MS4A14: variants seen among roughly 807,000 people sequenced by gnomAD.
MS4A14 encodes membrane-spanning 4-domains subfamily A member 14.
In MS4A14, 18 loss-of-function variants were observed where a neutral mutation model predicts 16.7. That is an observed-to-expected ratio of 1.08 (90% CI 0.75 to 1.60). MS4A14 has a LOEUF of 1.60. Among genes scored for constraint, MS4A14 ranks in the 40% most tolerant of loss-of-function variants. MS4A14 has a pLI of 0.00. For missense variants in MS4A14, 812 were observed against 775.3 expected (o/e 1.05, Z -0.56); for synonymous variants, 305 against 289.4 (o/e 1.05, Z -0.55).
chr11:60,416,959 G>T lies in MS4A14; in HGVS notation c.1991G>T (p.Gly664Val). The T allele has an allele frequency of 5.0e-6, 8 of 1,613,344 alleles. No homozygotes were observed. The highest frequency in any genetic ancestry group is 3.4e-6 in the Non-Finnish European group (4 of 1,179,626). The change falls in exon 5 of 5, where the codon GGA (glycine) becomes GTA (valine). Residue 664 changes from glycine to valine, a missense_variant. Gly to Val is a moderately radical substitution (Grantham distance 109). Transcript: ENST00000300187. The stretch of plus-strand genomic sequence containing the variant: ...TTCCACAAAGGCAATCTCCAGGCTG[G>T]ACAACCCAGGACTGTCAATCTTTTG... ...WQFHKGNLQA[G>V]QPRTVNLLAK...
chr11:60,409,417 T>C (rs1402073946), intron 4 of MS4A14, among the ~76,000 whole-genome samples: 2 of 152,042 alleles, frequency 1.3e-5, no homozygotes, highest in Non-Finnish European at 2.9e-5. Context: ...GATCATGCAG[T>C]GTTTGTCTTT....
At chr11:60,410,679 CAT>C (rs2085855611) in intron 4 of MS4A14, among the ~76,000 whole-genome samples, 3 of 152,000 alleles carry the variant, frequency 2.0e-5, no homozygotes, top group Admixed American at 1.3e-4. Context: ...ATTCCAGCAT[CAT>C]ATGTTGAAAA....
At chr11:60,398,207 T>G (rs1020686243) in intron 2 of MS4A14, 2 of 373,908 alleles carry the variant, frequency 5.3e-6, no homozygotes, top group Non-Finnish European at 4.9e-6. Context: ...CTTGTGTGTA[T>G]AGTAAGACAT....
rs144635507 is a variant in MS4A14, at chr11:60,416,610, G to A, written c.1642G>A (p.Val548Ile). 62 of 1,613,718 alleles carry A rather than the reference G, an allele frequency of 3.8e-5. No homozygotes were observed. The highest frequency in any genetic ancestry group is 3.3e-4 in the Middle Eastern group (2 of 6,084). ...CTGGCTATCCCCAAAGAGGCACTCC[G>A]TAGATAAGCAAGCTCAACTTAATCA... ...KDWLSPKRHS[V>I]DKQAQLNQTK... The change falls in exon 5 of 5, where the codon GTA becomes ATA. Residue 548 changes from valine (V) to isoleucine (I), a missense_variant. Val to Ile is a conservative substitution (Grantham distance 29). Coordinates refer to ENST00000300187, the MANE Select transcript of MS4A14 (RefSeq NM_032597.5).
At chr11:60,398,221 C>G (rs979220048) in intron 2 of MS4A14, 1 of 330,898 alleles carries the variant, frequency 3.0e-6, no homozygotes, top group African/African-American at 2.1e-5. Context: ...AAGACATTTG[C>G]TCCTCAATAC....
chr11:60,415,308 T>C, intron 4 of MS4A14, 129 bp from the exon 5 acceptor site: 2 of 963,562 alleles, frequency 2.1e-6, no homozygotes, highest in Non-Finnish European at 3.0e-6. Flanking sequence ...GCATTCGTTT[T>C]CTGCCTTCTC....
chr11:60,399,995 C>T (rs2085686832), intron 2 of MS4A14, among the ~76,000 whole-genome samples: 1 of 152,126 alleles, frequency 6.6e-6, no homozygotes, highest in Non-Finnish European at 1.5e-5. Flanking sequence ...CTGATAACTA[C>T]ACTAGATATC....
intron 4 of MS4A14, among the ~76,000 whole-genome samples, chr11:60,411,080 A>C (rs1287907831): frequency 6.6e-6 from 1 of 152,174 alleles, no homozygotes; most frequent in African/African-American, 2.4e-5. Context: ...TCCTGACCTC[A>C]GGTGATCCAC....
At position 60,416,988 on chromosome 11, in the gene MS4A14, A is replaced by G; in HGVS notation, c.2020A>G (p.Lys674Glu). Residue 674 changes from lysine (K) to glutamate (E), a missense_variant, in exon 5 of 5, where the codon AAG (lysine) becomes GAG (glutamate). By Grantham distance (56) the Lys-to-Glu change is moderately conservative. Coordinates refer to ENST00000300187, the MANE Select transcript of MS4A14 (RefSeq NM_032597.5). ...ACCCAGGACTGTCAATCTTTTGGCC[A>G]AGAATCCCCTGACTGGATAACTCAG... ...GQPRTVNLLA[K>E]NPLTG The G allele has an allele frequency of 6.2e-7, 1 of 1,612,446 alleles. No individual in the cohort carries two copies. The highest frequency in any genetic ancestry group is 8.5e-7 in the Non-Finnish European group (1 of 1,179,084).
chr11:60,404,258 A>G (rs1257466994), intron 4 of MS4A14, among the ~76,000 whole-genome samples: 1 of 152,236 alleles, frequency 6.6e-6, no homozygotes, highest in Non-Finnish European at 1.5e-5. Context: ...AACCATGAAC[A>G]ATCTCTTCCT....
intron 2 of MS4A14, among the ~76,000 whole-genome samples, chr11:60,399,103 C>A (rs576563243): frequency 1.7e-4 from 26 of 152,334 alleles, no homozygotes; most frequent in African/African-American, 4.8e-4. Flanking sequence ...CAGCTCCTCT[C>A]TGAGAGAAGT....
intron 4 of MS4A14, 40 bp from the exon 5 acceptor site, chr11:60,415,397 G>T: frequency 6.5e-7 from 1 of 1,530,826 alleles, no homozygotes; most frequent in South Asian, 1.3e-5. Flanking sequence ...AATCAGACAT[G>T]ATTCTGTCAT....
At position 60,397,963 on chromosome 11, in the gene MS4A14, T is replaced by C. The variant is rs148297999; in HGVS notation, c.250T>C (p.Phe84Leu). Residue 84 changes from phenylalanine to leucine, a missense_variant, in exon 2 of 5, where the codon TTC (phenylalanine) becomes CTC (leucine). Transcript: ENST00000300187. ...LPLVVLTGYP[F>L]WGALIFILTG... ...CCTTGTTGTCCTCACAGGATATCCATTCTGGGGAGCACTTATTGTGAGTAC... is the reference window on the plus strand; with the variant it reads ...CCTTGTTGTCCTCACAGGATATCCACTCTGGGGAGCACTTATTGTGAGTAC... 2 of 1,613,330 alleles carry C rather than the reference T, an allele frequency of 1.2e-6. No homozygotes were observed. The highest frequency in any genetic ancestry group is 1.7e-6 in the Non-Finnish European group (2 of 1,179,534).
chr11:60,409,245 T>C (rs1353174088), intron 4 of MS4A14, among the ~76,000 whole-genome samples: 1 of 152,206 alleles, frequency 6.6e-6, no homozygotes, highest in Non-Finnish European at 1.5e-5. Flanking sequence ...ATTCTTACTA[T>C]CTATAGTAAG....
intron 2 of MS4A14, 83 bp downstream of exon 2, chr11:60,398,063 C>A: frequency 1.7e-5 from 25 of 1,459,276 alleles, no homozygotes; most frequent in Admixed American, 2.0e-5. Flanking sequence ...TAATGAATTC[C>A]ATAAATATGG....
intron 4 of MS4A14, among the ~76,000 whole-genome samples, chr11:60,403,809 T>C (rs1255359157): frequency 6.6e-6 from 1 of 152,202 alleles, no homozygotes; most frequent in Non-Finnish European, 1.5e-5. Context: ...GTTCTATAAT[T>C]TGAAGAATAT....
intron 2 of MS4A14, 176 bp downstream of exon 2, chr11:60,398,156 T>C (rs2085658390): frequency 1.8e-6 from 1 of 546,808 alleles, no homozygotes; most frequent in Non-Finnish European, 3.1e-6. Flanking sequence ...ATCATCATTG[T>C]AATAACTACT....
At chr11:60,408,783 T>C (rs1028988527) in intron 4 of MS4A14, among the ~76,000 whole-genome samples, 4 of 152,132 alleles carry the variant, frequency 2.6e-5, no homozygotes, top group African/African-American at 9.7e-5. Context: ...AAATATCTGC[T>C]CAAGTCCCTG....
At chr11:60,402,852 A>G in intron 3 of MS4A14, 60 bp from the exon 4 acceptor site, 1 of 1,545,252 alleles carries the variant, frequency 6.5e-7, no homozygotes, top group Non-Finnish European at 8.9e-7. Context: ...AATTTCTTAC[A>G]AGATATTTTT....
Sources: gnomAD v4.1 joint callset for allele counts (sites outside exome capture counted in the v4.1 genomes callset) on GRCh38, gnomAD v4.1.1 for gene constraint, MANE v1.5 for transcripts, NCBI Gene and HGNC (gene_info 2026-07-23, HGNC 2026-07-21) for gene names.